EIF2AK4: variants seen among roughly 807,000 people sequenced by gnomAD.
EIF2AK4 encodes the protein eIF-2-alpha kinase GCN2.
A neutral mutation model predicts 211.1 loss-of-function variants in EIF2AK4; 139 were observed. The ratio of observed to expected loss-of-function variants is 0.66; its 90% CI spans 0.57 to 0.76. The LOEUF (loss-of-function observed/expected upper bound fraction) is 0.76. Among genes scored for constraint, EIF2AK4 ranks in the 30% least tolerant of loss-of-function variants. The pLI, the probability that EIF2AK4 is intolerant of heterozygous loss-of-function variation, is 0.00. For missense variants in EIF2AK4, 1,664 were observed against 2,043.8 expected (o/e 0.81, Z 3.58); for synonymous variants, 710 against 751.3 (o/e 0.94, Z 0.90).
chr15:40,025,459 G>A (rs2035454406), intron 32 of EIF2AK4, among the ~76,000 whole-genome samples: 1 of 152,156 alleles, frequency 6.6e-6, no homozygotes, highest in Non-Finnish European at 1.5e-5. Context: ...GCCAAGGTTG[G>A]GTGCTGGCCA....
intron 9 of EIF2AK4, among the ~76,000 whole-genome samples, chr15:39,969,590 G>C (rs548694119): frequency 1.3e-5 from 2 of 152,170 alleles, no homozygotes; most frequent in African/African-American, 4.8e-5. Context: ...TCAATCTCCT[G>C]ACCTCGTGAT....
chr15:40,001,517 C>G (rs1352428190), intron 21 of EIF2AK4, among the ~76,000 whole-genome samples: 3 of 151,648 alleles, frequency 2.0e-5, no homozygotes, highest in Non-Finnish European at 4.4e-5. Context: ...GTAATCCCAG[C>G]TACCCGGGAG....
intron 18 of EIF2AK4, among the ~76,000 whole-genome samples, chr15:39,993,345 C>T (rs540695792): frequency 2.0e-5 from 3 of 152,158 alleles, no homozygotes; most frequent in South Asian, 4.1e-4. Flanking sequence ...AAACAGACAA[C>T]AAATAAGTAA....
intron 7 of EIF2AK4, among the ~76,000 whole-genome samples, chr15:39,963,568 A>G (rs564074): frequency 0.61 from 92,677 of 151,956 alleles, 28,659 homozygotes; most frequent in Middle Eastern, 0.68. Context: ...TTTTATTTTC[A>G]ATGAAGTATT....
Position 39,949,105 on chromosome 15 carries a change from T to A in EIF2AK4, c.361-11T>A, listed in dbSNP as rs764919107. The A allele has an allele frequency of 4.4e-6, 7 of 1,606,294 alleles. No individual in the cohort carries two copies. In the African/African-American group the frequency reaches 8.0e-5, roughly 18 times the overall value. On this transcript the variant is annotated splice_polypyrimidine_tract_variant and intron_variant, in intron 3 of 38. Coordinates refer to ENST00000263791, the MANE Select transcript of EIF2AK4 (RefSeq NM_001013703.4). ...TGATCATTTGTGGTTGATTTTTGTTTACATGTTTAGGTGATGATCTTTGAA... is the reference window on the plus strand; with the variant it reads ...TGATCATTTGTGGTTGATTTTTGTTAACATGTTTAGGTGATGATCTTTGAA...
At chr15:39,982,526 T>C (rs566856186) in intron 13 of EIF2AK4, among the ~76,000 whole-genome samples, 2 of 152,302 alleles carry the variant, frequency 1.3e-5, no homozygotes, top group East Asian at 3.9e-4. Context: ...TCTGTGAGCT[T>C]CTTTTTTTTC....
chr15:39,959,714 G>C (rs574333417), intron 6 of EIF2AK4, among the ~76,000 whole-genome samples: 17 of 152,314 alleles, frequency 1.1e-4, no homozygotes, highest in African/African-American at 4.1e-4. Context: ...AGATGCTTCT[G>C]CATAGTTTAT....
Position 39,972,958 on chromosome 15 carries a change from AAC to A in EIF2AK4, c.1608_1609del (p.His536GlnfsTer17). ...AGATGGAGTCCCCAGCAGTTGTTGA[AAC>A]ACAGCTTTATAAATCCCCAGCCAAA... On this transcript the variant is annotated frameshift_variant, in exon 10 of 39. Coordinates refer to ENST00000263791, the MANE Select transcript of EIF2AK4 (RefSeq NM_001013703.4). LOFTEE classifies it high-confidence loss of function. The A allele has an allele frequency of 6.2e-7, 1 of 1,613,924 alleles. No homozygotes were observed. Among genetic ancestry groups the A allele is most frequent in the Non-Finnish European group, 8.5e-7 (1 of 1,179,982 alleles).
chr15:39,950,939 A>T (rs1411800311), intron 4 of EIF2AK4, among the ~76,000 whole-genome samples: 1 of 152,236 alleles, frequency 6.6e-6, no homozygotes, highest in Non-Finnish European at 1.5e-5. Flanking sequence ...TTGTTCACTG[A>T]AACATTTTGA....
In EIF2AK4 at chr15:39,985,830, G is replaced by C. The variant is rs752767858; in HGVS notation, c.2345G>C (p.Gly782Ala). Residue 782 changes from glycine (G) to alanine (A), a missense_variant, in exon 14 of 39, where the codon GGC becomes GCC. This residue lies in a region of EIF2AK4 where 206 missense variants were observed against 201.9 expected (regional missense o/e 1.02). Transcript: ENST00000263791. ...GATGAAGATTGCAATGAAAAGAATG[G>C]CTGCCATGAAAGTGAGCCATCAGTG... ...NQDEDCNEKN[G>A]CHESEPSVTT... The C allele has an allele frequency of 6.8e-6, 11 of 1,614,042 alleles. No individual in the cohort carries two copies. In the East Asian group the frequency reaches 2.5e-4, roughly 36 times the overall value.
chr15:40,005,223 T>G (rs1360065406), intron 23 of EIF2AK4, among the ~76,000 whole-genome samples: 1 of 152,228 alleles, frequency 6.6e-6, no homozygotes, highest in Non-Finnish European at 1.5e-5. Flanking sequence ...AACCAATTTC[T>G]GAGGGACAAC....
At chr15:40,022,442 T>C (rs1005774192) in intron 31 of EIF2AK4, 77 bp from the exon 32 acceptor site, 1 of 1,222,882 alleles carries the variant, frequency 8.2e-7, no homozygotes, top group Non-Finnish European at 1.2e-6. Context: ...GGAAACAGTA[T>C]TTTCATTCTC....
chr15:39,968,468 G>A (rs535308774), intron 9 of EIF2AK4, among the ~76,000 whole-genome samples: 1 of 152,280 alleles, frequency 6.6e-6, no homozygotes, highest in South Asian at 2.1e-4. Flanking sequence ...TGTTTGTCCA[G>A]GTCCTTCACT....
At chr15:39,969,296 C>T (rs771464731) in intron 9 of EIF2AK4, among the ~76,000 whole-genome samples, 73 of 149,916 alleles carry the variant, frequency 4.9e-4, no homozygotes, top group Non-Finnish European at 8.3e-4. Context: ...TCCTAGTTCT[C>T]TTCTTAAATA....
chr15:39,943,371 T>TTG lies in EIF2AK4; in HGVS notation c.258-12_258-11insTG. On this transcript the variant is annotated splice_polypyrimidine_tract_variant and intron_variant, in intron 2 of 38. Coordinates refer to ENST00000263791, the MANE Select transcript of EIF2AK4 (RefSeq NM_001013703.4). ...TAACTCTTTTTTTTTTTTTTTTTTT[T>TTG]GCCTTTTCCAGAGTTCCTGAAATAG... is the stretch of plus-strand genomic sequence containing the variant. 1.7e-6 allele frequency: 2 copies of TTG among 1,179,512 alleles called. No individual in the cohort carries two copies. The highest frequency in any genetic ancestry group is 2.3e-6 in the Non-Finnish European group (2 of 884,186). 73.1% of individuals were successfully genotyped at this position (1,179,512 alleles called of 1,614,324 possible).
chr15:40,022,541 A>G lies in EIF2AK4; in HGVS notation c.4325A>G (p.Tyr1442Cys). The change falls in exon 32 of 39, where the codon TAC (tyrosine) becomes TGC (cysteine). Residue 1442 changes from tyrosine (Y) to cysteine (C), a missense_variant. This residue lies in a region of EIF2AK4 where 622 missense variants were observed against 796.8 expected (regional missense o/e 0.78). Transcript: ENST00000263791. Reference sequence around the variant, plus strand: ...CAGTCCCAAGAGGAATTACAAGAGTACTGCAGACATCATGAAATCACCTAT... The same window carrying G: ...CAGTCCCAAGAGGAATTACAAGAGTGCTGCAGACATCATGAAATCACCTAT... ...WSQSQEELQE[Y>C]CRHHEITYVA... The G allele has an allele frequency of 6.2e-7, 1 of 1,614,202 alleles. No individual in the cohort carries two copies. The highest frequency in any genetic ancestry group is 1.3e-5 in the African/African-American group (1 of 75,062).
chr15:40,016,439 C>T (rs972637447), intron 27 of EIF2AK4, 63 bp from the exon 28 acceptor site: 107 of 1,580,808 alleles, frequency 6.8e-5, no homozygotes, highest in Middle Eastern at 1.7e-4. Context: ...TGCACACAGT[C>T]GGTGCAAAGG....
intron 15 of EIF2AK4, 45 bp from the exon 16 acceptor site, chr15:39,990,228 T>G: frequency 1.3e-6 from 2 of 1,582,656 alleles, no homozygotes; most frequent in Non-Finnish European, 1.7e-6. Flanking sequence ...GGTATAACTT[T>G]ATGCATGGAA....
At chr15:40,027,247 T>G (rs556440430) in intron 33 of EIF2AK4, among the ~76,000 whole-genome samples, 8 of 152,360 alleles carry the variant, frequency 5.3e-5, no homozygotes, top group African/African-American at 1.9e-4. Context: ...GTAGAAGAAA[T>G]GATTCTCCTG....
Sources: gnomAD v4.1 joint callset for allele counts (sites outside exome capture counted in the v4.1 genomes callset) on GRCh38, gnomAD v4.1.1 for gene constraint, gnomAD v4.1.1 regional missense constraint, MANE v1.5 for transcripts, NCBI Gene and HGNC (gene_info 2026-07-23, HGNC 2026-07-21) for gene names.